BBS9: variants seen among roughly 807,000 people sequenced by gnomAD.
BBS9 encodes the protein protein PTHB1.
BBS9 carries 89 observed loss-of-function variants against 117.7 expected under a neutral mutation model. The observed-to-expected ratio is 0.76, with a 90% CI of 0.64 to 0.90. The LOEUF (loss-of-function observed/expected upper bound fraction) is 0.90, where lower values mean the gene tolerates loss of function less well. Among genes scored for constraint, BBS9 ranks in the 40% least tolerant of loss-of-function variants. BBS9 has a pLI of 0.00. For missense variants in BBS9, 982 were observed against 1,042.2 expected, an observed-to-expected ratio of 0.94 and a Z score of 0.80; for synonymous variants, 379 against 370.9, an observed-to-expected ratio of 1.02 and a Z score of -0.25.
intron 7 of BBS9, among the ~76,000 whole-genome samples, chr7:33,266,248 G>A (rs1046199309): frequency 1.3e-5 from 2 of 152,154 alleles, no homozygotes; most frequent in Admixed American, 6.5e-5. Flanking sequence ...ACTTCATTTT[G>A]TTACACGATA....
At chr7:33,496,737 G>C (rs1276723450) in intron 19 of BBS9, among the ~76,000 whole-genome samples, 1 of 152,126 alleles carries the variant, frequency 6.6e-6, no homozygotes, top group African/African-American at 2.4e-5. Context: ...CATAAGTTCA[G>C]CACAGAGGTA....
chr7:33,243,174 G>T (rs147643768), intron 5 of BBS9, among the ~76,000 whole-genome samples: 160 of 152,318 alleles, frequency 1.1e-3, no homozygotes, highest in Middle Eastern at 3.4e-3. Flanking sequence ...GATTGCTACC[G>T]TTGTTCCTCA....
intron 1 of BBS9, among the ~76,000 whole-genome samples, chr7:33,137,556 C>G (rs1790714267): frequency 6.6e-6 from 1 of 152,216 alleles, no homozygotes; most frequent in Non-Finnish European, 1.5e-5. Flanking sequence ...TTTTGAAATC[C>G]ACCCATTTTT....
intron 17 of BBS9, 78 bp downstream of exon 17, chr7:33,367,940 A>C: frequency 9.0e-7 from 1 of 1,105,942 alleles, no homozygotes. Flanking sequence ...TCACATCAAT[A>C]ATTCCTGCAA....
Position 33,146,284 on chromosome 7 carries a change from C to T in BBS9, c.32C>T (p.Ser11Phe). Residue 11 changes from serine (S) to phenylalanine (F), a missense_variant, in exon 2 of 23, where the codon TCT becomes TTT. Coordinates refer to ENST00000242067, the MANE Select transcript of BBS9 (RefSeq NM_198428.3). ...TTATTTAAAGCCCGTGATTGGTGGTCTACTATTCTGGGAGATAAAGAAGAA... is the reference window on the plus strand; with the variant it reads ...TTATTTAAAGCCCGTGATTGGTGGTTTACTATTCTGGGAGATAAAGAAGAA... MSLFKARDWWSTILGDKEEFD... is the reference protein window; with the variant it reads MSLFKARDWWFTILGDKEEFD... 1 of 1,613,910 alleles carries T rather than the reference C, an allele frequency of 6.2e-7. No homozygotes were observed. The highest frequency in any genetic ancestry group is 8.5e-7 in the Non-Finnish European group (1 of 1,179,902).
At chr7:33,279,226 C>A (rs1163294904) in intron 9 of BBS9, among the ~76,000 whole-genome samples, 4 of 152,060 alleles carry the variant, frequency 2.6e-5, no homozygotes, top group Admixed American at 2.6e-4. Context: ...TAGGCATATG[C>A]CACCATTCCT....
intron 5 of BBS9, among the ~76,000 whole-genome samples, chr7:33,178,159 G>T (rs895394593): frequency 6.6e-6 from 1 of 152,182 alleles, no homozygotes; most frequent in African/African-American, 2.4e-5. Flanking sequence ...TGTGTGGGTC[G>T]TTTCTGCACA....
intron 21 of BBS9, among the ~76,000 whole-genome samples, chr7:33,569,679 G>A (rs971554399): frequency 1.3e-5 from 2 of 151,910 alleles, no homozygotes; most frequent in African/African-American, 2.4e-5. Flanking sequence ...GGAGAATGGC[G>A]TGAACCCGGG....
chr7:33,216,825 G>T (rs1201194977), intron 5 of BBS9, among the ~76,000 whole-genome samples: 3 of 152,202 alleles, frequency 2.0e-5, no homozygotes, highest in African/African-American at 4.8e-5. Flanking sequence ...GCCGGGCGTG[G>T]TGGCTCATGC....
intron 19 of BBS9, among the ~76,000 whole-genome samples, chr7:33,418,415 G>A (rs1278193782): frequency 6.6e-6 from 1 of 152,166 alleles, no homozygotes; most frequent in Non-Finnish European, 1.5e-5. Flanking sequence ...GTTTGGCAGG[G>A]TGACTTCTTG....
chr7:33,504,059 G>A (rs952641342), intron 19 of BBS9, among the ~76,000 whole-genome samples: 2 of 152,148 alleles, frequency 1.3e-5, no homozygotes, highest in African/African-American at 4.8e-5. Flanking sequence ...GTGTATGTAT[G>A]TTTTCTTTCC....
chr7:33,432,516 C>T (rs1834665288), intron 19 of BBS9, among the ~76,000 whole-genome samples: 1 of 151,966 alleles, frequency 6.6e-6, no homozygotes, highest in South Asian at 2.1e-4. Context: ...CTAAAGGGTT[C>T]CATAGAAAAC....
chr7:33,530,714 C>A (rs185884022), intron 20 of BBS9, among the ~76,000 whole-genome samples: 10 of 152,184 alleles, frequency 6.6e-5, no homozygotes, highest in African/African-American at 1.7e-4. Flanking sequence ...GTTTATTATT[C>A]TTTAGTGATT....
intron 9 of BBS9, among the ~76,000 whole-genome samples, chr7:33,284,547 G>T (rs987356556): frequency 6.6e-6 from 1 of 152,142 alleles, no homozygotes; most frequent in Non-Finnish European, 1.5e-5. Flanking sequence ...GGAATGTAGT[G>T]AATTTAATCT....
chr7:33,232,425 G>A (rs1792646025), intron 5 of BBS9, among the ~76,000 whole-genome samples: 2 of 152,098 alleles, frequency 1.3e-5, no homozygotes, highest in East Asian at 1.9e-4. Context: ...GAAAAATGTA[G>A]TGTGGTTTTG....
At chr7:33,542,790 T>TACACAC (rs368494839) in intron 21 of BBS9, among the ~76,000 whole-genome samples, 58 of 134,380 alleles carry the variant, frequency 4.3e-4, no homozygotes, top group Middle Eastern at 4.0e-3. Context: ...TATATATATG[T>TACACAC]ACACACACAC....
chr7:33,152,139 T>C (rs1254472528), intron 2 of BBS9, among the ~76,000 whole-genome samples: 8 of 152,224 alleles, frequency 5.3e-5, no homozygotes, highest in African/African-American at 1.7e-4. Flanking sequence ...GCAAAGACTC[T>C]GTTTCCAAAT....
chr7:33,318,429 C>T (rs1256424909), intron 9 of BBS9, among the ~76,000 whole-genome samples: 1 of 152,122 alleles, frequency 6.6e-6, no homozygotes, highest in Non-Finnish European at 1.5e-5. Context: ...TTAAATGTCA[C>T]TTTTTCAGAC....
chr7:33,367,120 G>C (rs2128712834), intron 16 of BBS9, among the ~76,000 whole-genome samples: 2 of 152,284 alleles, frequency 1.3e-5, no homozygotes, highest in South Asian at 4.1e-4. Flanking sequence ...TATTTCTACA[G>C]AGAGAACCTT....
Sources: allele counts gnomAD v4.1 joint callset (sites outside exome capture counted in the v4.1 genomes callset), GRCh38; gene constraint gnomAD v4.1.1; transcripts MANE v1.5; gene names NCBI Gene and HGNC (gene_info 2026-07-23, HGNC 2026-07-21).